The following C17orf99 variants were observed in gnomAD, a reference collection of about 807,000 sequenced individuals.
C17orf99 encodes protein IL-40.
C17orf99 carries 18 observed loss-of-function variants against 22.6 expected under a neutral mutation model. The observed-to-expected ratio is 0.80, with a 90% CI of 0.55 to 1.18. The LOEUF (loss-of-function observed/expected upper bound fraction) is 1.18, where lower values mean the gene tolerates loss of function less well. Among genes scored for constraint, C17orf99 ranks in the 50% most tolerant of loss-of-function variants. C17orf99 has a pLI of 0.00. For missense variants in C17orf99, 328 were observed against 342.7 expected, an observed-to-expected ratio of 0.96 and a Z score of 0.34; for synonymous variants, 147 against 136.6, an observed-to-expected ratio of 1.08 and a Z score of -0.53.
intron 4 of C17orf99, 49 bp downstream of exon 4, chr17:78,164,413 G>C: frequency 6.4e-7 from 1 of 1,550,856 alleles, no homozygotes; most frequent in Non-Finnish European, 8.7e-7. Flanking sequence ...CTTCTGTGCC[G>C]GGAGGGTGCT....
intron 3 of C17orf99, among the ~76,000 whole-genome samples, chr17:78,162,982 A>C (rs932000580): frequency 4.5e-4 from 68 of 152,080 alleles, no homozygotes; most frequent in Admixed American, 2.6e-4. Flanking sequence ...ACGGGGTTTC[A>C]CCATGTTGGC....
rs144746654 is a variant in C17orf99, at chr17:78,165,826, G to A, written c.641-63G>A. On this transcript the variant is annotated intron_variant, in intron 4 of 4. Transcript: ENST00000340363. ...TCAAAACAAACGAACACTCTCAGAC[G>A]CCTCGGGAGGGGATGGCTGGGAGGT... The A allele has an allele frequency of 1.1e-3, 1,405 of 1,277,146 alleles. 5 individuals carry two copies. The African/African-American group carries it at 0.017, about 16-fold the overall frequency. The allele number at this position is 1,277,146 out of a possible 1,614,324, so 79.1% of individuals were successfully genotyped here. A position where few individuals can be genotyped will look rare whatever the true frequency, so the allele number is the denominator to read the frequency against.
intron 4 of C17orf99, 33 bp downstream of exon 4, chr17:78,164,397 C>T (rs2075601950): frequency 6.4e-7 from 1 of 1,551,084 alleles, no homozygotes; most frequent in Admixed American, 2.0e-5. Context: ...AGAGGGGCAG[C>T]TGGCGCTTCT....
chr17:78,146,832 C>A lies in C17orf99; in HGVS notation c.38-47C>A. The A allele has an allele frequency of 6.5e-7, 1 of 1,541,368 alleles. No homozygotes were observed. The highest frequency in any genetic ancestry group is 8.8e-7 in the Non-Finnish European group (1 of 1,138,164). Reference sequence around the variant, plus strand: ...TGGGTCTCGAGGCTGTCTCTGGTCTCCCCTCCACACCAGGCCCTCTCCTTA... The same window carrying A: ...TGGGTCTCGAGGCTGTCTCTGGTCTACCCTCCACACCAGGCCCTCTCCTTA... On this transcript the variant is annotated intron_variant, in intron 1 of 4. Coordinates refer to ENST00000340363, the MANE Select transcript of C17orf99 (RefSeq NM_001163075.2). This position sits in a 1 kb window ranked among gnomAD's most constrained non-coding sequence, Gnocchi z 5.2.
chr17:78,160,936 G>T lies in C17orf99; in HGVS notation c.71-19G>T. 1 of 1,542,418 alleles carries T rather than the reference G, an allele frequency of 6.5e-7. No homozygotes were observed. The highest frequency in any genetic ancestry group is 8.8e-7 in the Non-Finnish European group (1 of 1,140,190). ...AATGTCGGTTTCTTTCTTCCTCCTT[G>T]GACCTTTTCATCTCCCAGAAATTAC... is the stretch of plus-strand genomic sequence containing the variant. On this transcript the variant is annotated intron_variant, in intron 2 of 4. Coordinates refer to ENST00000340363, the MANE Select transcript of C17orf99 (RefSeq NM_001163075.2).
At chr17:78,153,681 G>T (rs1454381698) in intron 2 of C17orf99, among the ~76,000 whole-genome samples, 2 of 152,116 alleles carry the variant, frequency 1.3e-5, no homozygotes, top group Non-Finnish European at 2.9e-5. Flanking sequence ...GTGATCGCGT[G>T]TCAGCCCTGG....
intron 4 of C17orf99, chr17:78,165,578 G>A (rs2075611237): frequency 4.0e-6 from 4 of 987,848 alleles, no homozygotes; most frequent in Admixed American, 6.1e-5. Flanking sequence ...TGAGGCAGGC[G>A]AATCACCTGA....
At chr17:78,156,673 C>T (rs562507228) in intron 2 of C17orf99, among the ~76,000 whole-genome samples, 10 of 152,252 alleles carry the variant, frequency 6.6e-5, no homozygotes, top group African/African-American at 1.7e-4. Flanking sequence ...TGCAGTGGCA[C>T]GATCATAGCT....
chr17:78,156,474 C>T (rs1404966721), intron 2 of C17orf99, among the ~76,000 whole-genome samples: 1 of 151,900 alleles, frequency 6.6e-6, no homozygotes, highest in Non-Finnish European at 1.5e-5. Flanking sequence ...AAAGCAGATA[C>T]CTGGCGTAGG....
chr17:78,157,475 T>G, intron 2 of C17orf99: 1 of 1,289,746 alleles, frequency 7.8e-7, no homozygotes, highest in African/African-American at 1.5e-5. Context: ...CTCAGCGACC[T>G]TCCCAATGCA....
chr17:78,148,369 T>A (rs12946786), intron 2 of C17orf99, among the ~76,000 whole-genome samples: 1 of 152,044 alleles, frequency 6.6e-6, no homozygotes, highest in Non-Finnish European at 1.5e-5. Context: ...AAGAAAATAT[T>A]TTTTTAAATT....
At position 78,166,006 on chromosome 17, in the gene C17orf99, G is replaced by A; in HGVS notation, c.758G>A (p.Gly253Glu). The A allele has an allele frequency of 1.4e-6, 2 of 1,470,910 alleles. No homozygotes were observed. Among genetic ancestry groups the A allele is most frequent in the Non-Finnish European group, 1.8e-6 (2 of 1,099,182 alleles). The allele number at this position is 1,470,910 out of a possible 1,614,324, so 91.1% of individuals were successfully genotyped here. Residue 253 changes from glycine (G) to glutamate (E), a missense_variant, in exon 5 of 5, where the codon GGG becomes GAG. Transcript: ENST00000340363. ...SEEEFGGFRIGNGEVRGRKAA... is the reference protein window; with the variant it reads ...SEEEFGGFRIENGEVRGRKAA... ...GAGGAGTTTGGGGGGTTCAGGATAG[G>A]GAATGGGGAGGTCAGAGGACGCAAA...
intron 2 of C17orf99, among the ~76,000 whole-genome samples, chr17:78,156,898 G>A (rs575636530): frequency 2.0e-4 from 30 of 150,058 alleles, no homozygotes; most frequent in African/African-American, 7.3e-4. Context: ...CAGGCGCAGT[G>A]GCCACCGTGC....
At chr17:78,155,575 C>T (rs557603680) in intron 2 of C17orf99, among the ~76,000 whole-genome samples, 4 of 152,206 alleles carry the variant, frequency 2.6e-5, no homozygotes, top group Non-Finnish European at 4.4e-5. Context: ...CCTTGGCCTC[C>T]CAAAGTGCTG....
At chr17:78,165,762 A>T in intron 4 of C17orf99, 127 bp from the exon 5 acceptor site, 1 of 1,233,358 alleles carries the variant, frequency 8.1e-7, no homozygotes. Flanking sequence ...AGATCGTGCC[A>T]TTGCACTCCA....
At chr17:78,146,272 T>C (rs1266466401), upstream of C17orf99, 2 of 706,840 alleles carry the variant, frequency 2.8e-6, no homozygotes, top group Non-Finnish European at 4.6e-6. This position sits in a 1 kb window ranked among gnomAD's most constrained non-coding sequence, Gnocchi z 5.2. Context: ...GCTGAGGCCC[T>C]GGGGTGCTGC....
At chr17:78,157,246 A>G (rs2075533018) in intron 2 of C17orf99, among the ~76,000 whole-genome samples, 1 of 151,464 alleles carries the variant, frequency 6.6e-6, no homozygotes, top group African/African-American at 2.4e-5. Flanking sequence ...CGGGCGCATC[A>G]TGAGGTCTGG....
At chr17:78,162,825 G>A (rs1331461839) in intron 3 of C17orf99, among the ~76,000 whole-genome samples, 2 of 152,082 alleles carry the variant, frequency 1.3e-5, no homozygotes, top group Non-Finnish European at 2.9e-5. Flanking sequence ...TTGCTCTGTC[G>A]CCCAGGCTGA....
chr17:78,160,559 G>GAA (rs2075566173), intron 2 of C17orf99, among the ~76,000 whole-genome samples: 5 of 150,282 alleles, frequency 3.3e-5, no homozygotes, highest in African/African-American at 1.2e-4. Flanking sequence ...GAGAGAGAGA[G>GAA]AGAGAACATG....
Sources: allele counts gnomAD v4.1 joint callset (sites outside exome capture counted in the v4.1 genomes callset), GRCh38; gene constraint gnomAD v4.1.1; non-coding constraint Gnocchi (gnomAD v3.1); transcripts MANE v1.5; gene names NCBI Gene and HGNC (gene_info 2026-07-23, HGNC 2026-07-21).